The following GTPBP10 variants were observed in gnomAD, a reference collection of about 807,000 sequenced individuals.
The protein encoded by GTPBP10 is GTP-binding protein 10.
Under a neutral mutation model 44.8 loss-of-function variants are expected in GTPBP10, and 38 were observed. That is an observed-to-expected ratio of 0.85 (90% confidence interval 0.65 to 1.11). The LOEUF (loss-of-function observed/expected upper bound fraction) is 1.11. Ranked by LOEUF, GTPBP10 falls within the 50% of genes most tolerant of loss-of-function variation. The probability of loss-of-function intolerance (pLI) is 0.00; values close to 1 mark genes in which losing one functional copy is unlikely to be tolerated. For missense variants in GTPBP10, 462 were observed against 453.7 expected (o/e 1.02, Z -0.17); for synonymous variants, 152 against 150.6 (o/e 1.01, Z -0.07).
rs945798388 is a variant in GTPBP10 at position 90,356,548 on chromosome 7, T to G, written c.464+1318T>G. Among the ~76,000 whole-genome samples the G allele has an allele frequency of 2.0e-5, 3 of 152,172 alleles. No homozygotes were observed. In the East Asian group the frequency reaches 5.8e-4, roughly 29 times the overall value. ...CATGGAGGACTCAGGTTAGACTATT[T>G]AGGTTAGGATCTCAAATCCTCTGGA... On this transcript the variant is annotated intron_variant, in intron 4 of 9. Transcript: ENST00000222511.
At chr7:90,373,332 T>C (rs751251468) in intron 5 of GTPBP10, among the ~76,000 whole-genome samples, 3 of 152,180 alleles carry the variant, frequency 2.0e-5, no homozygotes, top group African/African-American at 4.8e-5. Context: ...GTGTGGGACA[T>C]GAAGGGTCTG....
chr7:90,363,539 C>T (rs1325199446), intron 4 of GTPBP10, among the ~76,000 whole-genome samples: 2 of 152,154 alleles, frequency 1.3e-5, no homozygotes, highest in Non-Finnish European at 2.9e-5. Context: ...TGTGGGTAAC[C>T]CGACCTTTCT....
chr7:90,388,451 C>T lies in GTPBP10; in HGVS notation c.*3297C>T, dbSNP rs1037455680. On this transcript the variant is annotated 3_prime_UTR_variant, in exon 10 of 10. Coordinates refer to ENST00000222511, the MANE Select transcript of GTPBP10 (RefSeq NM_033107.4). ...TTTCTATAATATCAGATTTATTTAC[C>T]ATCATGAAATATGTTTATACAGTAT... is the stretch of plus-strand genomic sequence containing the variant. 8.6e-6 allele frequency: 1 copy of T among 116,454 alleles called. No individual in the cohort carries two copies. The highest frequency in any genetic ancestry group is 1.7e-5 in the Non-Finnish European group (1 of 57,466). The allele number at this position is 116,454 out of a possible 1,614,324, so 7.2% of individuals were successfully genotyped here. A position where few individuals can be genotyped will look rare whatever the true frequency, so the allele number is the denominator to read the frequency against.
intron 2 of GTPBP10, 113 bp from the exon 3 acceptor site, chr7:90,354,345 C>T (rs1033494989): frequency 8.6e-6 from 4 of 465,070 alleles, no homozygotes; most frequent in East Asian, 3.5e-5. Context: ...TTAACATCTG[C>T]GTTAACCAGA....
chr7:90,387,377 G>A lies in GTPBP10; in HGVS notation c.*2223G>A, dbSNP rs1006508851. On this transcript the variant is annotated 3_prime_UTR_variant, in exon 10 of 10. Transcript: ENST00000222511. The stretch of plus-strand genomic sequence containing the variant: ...GTACTTCAAAAAATTATTCTTCAAT[G>A]CTATTTTTAAATTACTAGAAATTAT... The A allele has an allele frequency of 2.6e-5, 4 of 152,006 alleles. No homozygotes were observed. Among genetic ancestry groups the A allele is most frequent in the Non-Finnish European group, 5.9e-5 (4 of 67,980 alleles). The allele number at this position is 152,006 out of a possible 1,614,324, so 9.4% of individuals were successfully genotyped here.
intron 4 of GTPBP10, among the ~76,000 whole-genome samples, chr7:90,365,044 A>G (rs1256706290): frequency 6.6e-6 from 1 of 152,200 alleles, no homozygotes; most frequent in African/African-American, 2.4e-5. Flanking sequence ...TCCCTTGGCT[A>G]GGAAAGGGAA....
intron 4 of GTPBP10, among the ~76,000 whole-genome samples, chr7:90,370,679 A>C (rs1217211882): frequency 6.6e-6 from 1 of 152,102 alleles, no homozygotes; most frequent in African/African-American, 2.4e-5. Context: ...CAAAAAAATC[A>C]CTTGTACCCC....
At chr7:90,363,762 T>G (rs1249258680) in intron 4 of GTPBP10, among the ~76,000 whole-genome samples, 1 of 152,222 alleles carries the variant, frequency 6.6e-6, no homozygotes, top group Non-Finnish European at 1.5e-5. Context: ...CCCATCACTT[T>G]CAGGTACACC....
intron 4 of GTPBP10, among the ~76,000 whole-genome samples, chr7:90,357,091 A>G (rs1428359624): frequency 6.6e-6 from 1 of 152,218 alleles, no homozygotes; most frequent in East Asian, 1.9e-4. Flanking sequence ...GGACTGAATC[A>G]CAGAAGAAAG....
intron 6 of GTPBP10, 53 bp from the exon 7 acceptor site, chr7:90,377,454 C>A: frequency 2.5e-6 from 3 of 1,216,150 alleles, no homozygotes; most frequent in Non-Finnish European, 3.5e-6. Context: ...TGTAATTGAA[C>A]TTGCGGTTTT....
chr7:90,371,539 GGACAACT>G (rs1450008435), intron 4 of GTPBP10, among the ~76,000 whole-genome samples: 2 of 152,136 alleles, frequency 1.3e-5, no homozygotes, highest in Non-Finnish European at 2.9e-5. Flanking sequence ...AAACTCTGTA[GGACAACT>G]GACCCAGTTT....
chr7:90,378,822 C>G lies in GTPBP10; in HGVS notation c.777+611C>G, dbSNP rs144096952. 2.9e-3 allele frequency among the ~76,000 whole-genome samples: 439 copies of G among 152,212 alleles called. 3 individuals are homozygous for G. The highest frequency in any genetic ancestry group is 9.9e-3 in the African/African-American group (413 of 41,528). ...GGCTCAAGTGATTCTCCTGCCTCAGCCTCCCGAGTAGCTGGGATTACAAGC... is the reference window on the plus strand; with the variant it reads ...GGCTCAAGTGATTCTCCTGCCTCAGGCTCCCGAGTAGCTGGGATTACAAGC... On this transcript the variant is annotated intron_variant, in intron 8 of 9. Transcript: ENST00000222511.
At chr7:90,364,088 C>G (rs1034780808) in intron 4 of GTPBP10, among the ~76,000 whole-genome samples, 32 of 152,208 alleles carry the variant, frequency 2.1e-4, no homozygotes, top group African/African-American at 7.5e-4. Flanking sequence ...CAACTTCCTC[C>G]TTTAGCTCGG....
chr7:90,356,706 A>G (rs1333951662), intron 4 of GTPBP10, among the ~76,000 whole-genome samples: 2 of 151,130 alleles, frequency 1.3e-5, no homozygotes, highest in Admixed American at 6.6e-5. Flanking sequence ...TTGTTTTCTC[A>G]TCTTTAATAG....
At chr7:90,348,849 A>G (rs1437795958) in intron 1 of GTPBP10, among the ~76,000 whole-genome samples, 1 of 152,186 alleles carries the variant, frequency 6.6e-6, no homozygotes, top group East Asian at 1.9e-4. Context: ...AGCAGTCCTG[A>G]ACAATAGGAG....
At chr7:90,359,989 TG>T (rs1350605933) in intron 4 of GTPBP10, among the ~76,000 whole-genome samples, 1 of 152,234 alleles carries the variant, frequency 6.6e-6, no homozygotes, top group Non-Finnish European at 1.5e-5. Flanking sequence ...TGGGGTTGTT[TG>T]TTTTTTTCTT....
intron 1 of GTPBP10, among the ~76,000 whole-genome samples, chr7:90,347,077 T>G (rs1244511355): frequency 4.0e-5 from 6 of 151,878 alleles, no homozygotes; most frequent in Admixed American, 6.6e-5. Context: ...GTTGTGGTGG[T>G]TTTTTTTCCT....
chr7:90,381,500 G>A (rs368203063), intron 8 of GTPBP10, among the ~76,000 whole-genome samples: 38 of 152,078 alleles, frequency 2.5e-4, no homozygotes, highest in African/African-American at 8.0e-4. Context: ...AGTGATCTAC[G>A]GATTCAGCAC....
At chr7:90,365,991 C>T (rs962499976) in intron 4 of GTPBP10, among the ~76,000 whole-genome samples, 6 of 152,154 alleles carry the variant, frequency 3.9e-5, no homozygotes, top group Admixed American at 1.3e-4. Flanking sequence ...TGAATTTTCT[C>T]GAAGGCCTTT....
Sources: allele counts gnomAD v4.1 joint callset (sites outside exome capture counted in the v4.1 genomes callset), GRCh38; gene constraint gnomAD v4.1.1; transcripts MANE v1.5; gene names NCBI Gene and HGNC (gene_info 2026-07-23, HGNC 2026-07-21).